FAM24B: variants seen among roughly 807,000 people sequenced by gnomAD.
The protein encoded by FAM24B is protein FAM24B.
A neutral mutation model predicts 2.3 loss-of-function variants in FAM24B; 3 were observed. The ratio of observed to expected loss-of-function variants is 1.29; its 90% confidence interval spans 0.59 to 3.32. The LOEUF (loss-of-function observed/expected upper bound fraction) is 3.32, where lower values mean the gene tolerates loss of function less well. FAM24B is among the 30% of genes most tolerant of loss of function. FAM24B has a pLI of 0.03. For synonymous variants in FAM24B, 36 were observed against 46.3 expected, an observed-to-expected ratio of 0.78 and a Z score of 0.90; for missense variants, 98 against 117.2, an observed-to-expected ratio of 0.84 and a Z score of 0.76.
chr10:122,854,450 C>T (rs986801845), intron 2 of FAM24B, among the ~76,000 whole-genome samples: 1 of 152,144 alleles, frequency 6.6e-6, no homozygotes, highest in African/African-American at 2.4e-5. Context: ...GCTCTTCCAC[C>T]CCCAGCCTTC....
intron 2 of FAM24B, among the ~76,000 whole-genome samples, chr10:122,852,828 A>G (rs1363659587): frequency 6.6e-6 from 1 of 152,170 alleles, no homozygotes; most frequent in African/African-American, 2.4e-5. Context: ...GAGTTGGGAT[A>G]GGGCCATAGC....
intron 1 of FAM24B, among the ~76,000 whole-genome samples, chr10:122,868,610 G>A (rs1458850303): frequency 2.0e-5 from 3 of 152,272 alleles, no homozygotes; most frequent in African/African-American, 7.2e-5. Context: ...CAAGCCAGAA[G>A]AGAGTGGGGG....
intron 3 of FAM24B, 110 bp from the exon 4 acceptor site, chr10:122,849,549 T>C (rs899457400): frequency 2.2e-6 from 2 of 906,454 alleles, no homozygotes; most frequent in Non-Finnish European, 3.3e-6. Flanking sequence ...CAGTCAAACA[T>C]GAACACCAGC....
chr10:122,849,274 G>A lies in FAM24B; in HGVS notation c.258C>T (p.Cys86=). The A allele has an allele frequency of 1.9e-6, 3 of 1,577,972 alleles. No homozygotes were observed. The South Asian group carries it at 3.5e-5, about 18-fold the overall frequency. The change falls in exon 4 of 4, where the codon TGC becomes TGT. Residue 86 remains cysteine, a synonymous_variant. Transcript: ENST00000368898. ...MCASFDSLPP[C]CCDINEGL ...AGAGGCCCTCATTTATGTCGCAACA[G>A]CAAGGTGGCAGGGAATCAAAACTGG...
At chr10:122,849,563 A>T (rs1812410671) in intron 3 of FAM24B, 124 bp from the exon 4 acceptor site, 1 of 763,888 alleles carries the variant, frequency 1.3e-6, no homozygotes, top group African/African-American at 1.8e-5. Flanking sequence ...CACCAGCCCT[A>T]CATTAAAGCT....
chr10:122,867,690 T>G (rs896295750), intron 1 of FAM24B, among the ~76,000 whole-genome samples: 4 of 152,236 alleles, frequency 2.6e-5, no homozygotes, highest in African/African-American at 9.6e-5. Context: ...GGGTCTGGAG[T>G]GGACCTCCAG....
At chr10:122,865,846 G>C (rs1330141577) in intron 1 of FAM24B, among the ~76,000 whole-genome samples, 1 of 148,776 alleles carries the variant, frequency 6.7e-6, no homozygotes, top group African/African-American at 2.5e-5. Flanking sequence ...TGGGTACATT[G>C]TATCTTTCAG....
chr10:122,858,963 T>A (rs1174011133), intron 1 of FAM24B, among the ~76,000 whole-genome samples: 1 of 152,228 alleles, frequency 6.6e-6, no homozygotes, highest in Non-Finnish European at 1.5e-5. Context: ...TGCTTTTTTC[T>A]TCTTGCAGAC....
At chr10:122,869,145 T>C (rs1210450877) in intron 1 of FAM24B, among the ~76,000 whole-genome samples, 1 of 151,932 alleles carries the variant, frequency 6.6e-6, no homozygotes, top group African/African-American at 2.4e-5. Flanking sequence ...TAGTCTCTGA[T>C]AAAACAGACT....
At chr10:122,860,958 C>A (rs2133831722) in intron 1 of FAM24B, among the ~76,000 whole-genome samples, 1 of 152,166 alleles carries the variant, frequency 6.6e-6, no homozygotes, top group East Asian at 1.9e-4. Flanking sequence ...ATGTGATTTG[C>A]AAATATTTTC....
intron 1 of FAM24B, among the ~76,000 whole-genome samples, chr10:122,874,425 AT>A (rs1847946692): frequency 6.6e-6 from 1 of 152,036 alleles, no homozygotes; most frequent in Admixed American, 6.6e-5. Flanking sequence ...TTATTTTAAT[AT>A]TTTTTGCAAC....
chr10:122,849,790 C>T (rs576443680), intron 3 of FAM24B, among the ~76,000 whole-genome samples: 6 of 152,036 alleles, frequency 3.9e-5, no homozygotes, highest in African/African-American at 1.4e-4. Context: ...AGAATGGGGA[C>T]ACAATTGCAT....
At position 122,849,406 on chromosome 10, in the gene FAM24B, T is replaced by C; in HGVS notation, c.126A>G (p.Lys42=). The change falls in exon 4 of 4, where the codon AAA becomes AAG. Residue 42 remains lysine (K), a synonymous_variant. Coordinates refer to ENST00000368898, the MANE Select transcript of FAM24B (RefSeq NM_152644.3). Reference sequence around the variant, plus strand: ...ACCACACCTTGTCTGGGTTGTGATTTTTTACAGCCACAGCTTCAGGTTCCT... The same window carrying C: ...ACCACACCTTGTCTGGGTTGTGATTCTTTACAGCCACAGCTTCAGGTTCCT... ...AAKEPEAVAV[K]NHNPDKVWWA... 1 of 1,611,764 alleles carries C rather than the reference T, an allele frequency of 6.2e-7. No homozygotes were observed. The highest frequency in any genetic ancestry group is 8.5e-7 in the Non-Finnish European group (1 of 1,179,206).
chr10:122,873,104 G>A (rs1402124466), intron 1 of FAM24B, among the ~76,000 whole-genome samples: 2 of 152,054 alleles, frequency 1.3e-5, no homozygotes, highest in Non-Finnish European at 2.9e-5. Flanking sequence ...CATGAAGGTG[G>A]CCACATTTAA....
intron 1 of FAM24B, among the ~76,000 whole-genome samples, chr10:122,862,347 T>C (rs1490928558): frequency 6.6e-6 from 1 of 152,212 alleles, no homozygotes; most frequent in Non-Finnish European, 1.5e-5. Flanking sequence ...ACATGGACCG[T>C]CTCTCATGTT....
At chr10:122,868,928 T>G (rs904662911) in intron 1 of FAM24B, among the ~76,000 whole-genome samples, 9 of 151,974 alleles carry the variant, frequency 5.9e-5, no homozygotes, top group Non-Finnish European at 1.2e-4. Flanking sequence ...AATTCACACA[T>G]AACAACACTA....
chr10:122,850,247 C>T lies in FAM24B; in HGVS notation c.92+177G>A, dbSNP rs187184078. On this transcript the variant is annotated intron_variant, in intron 3 of 3. Transcript: ENST00000368898. ...AAAAAAAATAAGATTCTACACTCAG[C>T]TGTCTTTGCTTTTACAAAGCTGCCT... Among the ~76,000 whole-genome samples the T allele has an allele frequency of 1.6e-4, 24 of 152,320 alleles. 1 individual carries two copies. Among genetic ancestry groups the T allele is most frequent in the Admixed American group, 1.5e-3 (23 of 15,298 alleles).
Position 122,849,374 on chromosome 10 carries a change from T to G in FAM24B, c.158A>C (p.Lys53Thr). 3 of 1,613,698 alleles carry G rather than the reference T, an allele frequency of 1.9e-6. No individual in the cohort carries two copies. The highest frequency in any genetic ancestry group is 2.5e-6 in the Non-Finnish European group (3 of 1,179,822). The change falls in exon 4 of 4, where the codon AAG (lysine) becomes ACG (threonine). Residue 53 changes from lysine (K) to threonine (T), a missense_variant. Physicochemically the swap from Lys to Thr is moderately conservative, Grantham distance 78. Coordinates refer to ENST00000368898, the MANE Select transcript of FAM24B (RefSeq NM_152644.3). ...NHNPDKVWWA[K>T]NSQAKTIATE... The stretch of plus-strand genomic sequence containing the variant: ...GGCAATGGTTTTGGCCTGGCTGTTC[T>G]TGGCCCACCACACCTTGTCTGGGTT...
intron 1 of FAM24B, among the ~76,000 whole-genome samples, chr10:122,876,761 C>T (rs1249963694): frequency 2.0e-5 from 3 of 152,132 alleles, no homozygotes; most frequent in Non-Finnish European, 4.4e-5. Flanking sequence ...GTTAATGTTC[C>T]ATTTGTTCAG....
Sources: allele counts gnomAD v4.1 joint callset (sites outside exome capture counted in the v4.1 genomes callset), GRCh38; gene constraint gnomAD v4.1.1; transcripts MANE v1.5; gene names NCBI Gene and HGNC (gene_info 2026-07-23, HGNC 2026-07-21).